The following GUCY1A2 variants were observed in gnomAD, a reference collection of about 807,000 sequenced individuals.
GUCY1A2 encodes the protein guanylate cyclase 1 soluble subunit alpha 2, also known as guanylate cyclase soluble subunit alpha-2.
Under a neutral mutation model 63.5 loss-of-function variants are expected in GUCY1A2, and 27 were observed. The ratio of observed to expected loss-of-function variants is 0.43; its 90% CI spans 0.31 to 0.59. The LOEUF (loss-of-function observed/expected upper bound fraction) is 0.59, where lower values mean the gene tolerates loss of function less well. Among genes scored for constraint, GUCY1A2 ranks in the 20% least tolerant of loss-of-function variants. The probability of loss-of-function intolerance (pLI) is 0.11; values close to 1 mark genes in which losing one functional copy is unlikely to be tolerated. For missense variants in GUCY1A2, 768 were observed against 913.3 expected (o/e 0.84, Z 2.05); for synonymous variants, 364 against 343.5 (o/e 1.06, Z -0.66).
At chr11:106,855,757 T>C (rs1336946512) in intron 4 of GUCY1A2, among the ~76,000 whole-genome samples, 1 of 152,160 alleles carries the variant, frequency 6.6e-6, no homozygotes, top group Non-Finnish European at 1.5e-5. Context: ...CTGGCCTACA[T>C]GTCTATATTT....
Position 106,997,249 on chromosome 11 carries a change from T to TA in GUCY1A2, c.304-11119dup, listed in dbSNP as rs577353765. On this transcript the variant is annotated intron_variant, in intron 1 of 7. Transcript: ENST00000526355. Reference sequence around the variant, plus strand: ...CTTATGCATGTAACTATTTATCTGATAATCAAGACTTCCTTCATATTCAGA... The same window carrying TA: ...CTTATGCATGTAACTATTTATCTGATAAATCAAGACTTCCTTCATATTCAGA... Among the ~76,000 whole-genome samples the TA allele has an allele frequency of 2.0e-3, 309 of 152,304 alleles. 1 individual carries two copies. Among genetic ancestry groups the TA allele is most frequent in the South Asian group, 8.3e-3 (40 of 4,824 alleles).
At position 106,684,191 on chromosome 11, in the gene GUCY1A2, C is replaced by T. The variant is rs1272573158; in HGVS notation, c.*3358G>A. On this transcript the variant is annotated 3_prime_UTR_variant, in exon 8 of 8. Coordinates refer to ENST00000526355, the MANE Select transcript of GUCY1A2 (RefSeq NM_000855.3). The stretch of plus-strand genomic sequence containing the variant: ...AGAAACAACATTTGAAGTGCTGAAC[C>T]TACAGACCCACTCTCAAGTCTCAGG... 1 of 184,552 alleles carries T rather than the reference C, an allele frequency of 5.4e-6. No homozygotes were observed. Among genetic ancestry groups the T allele is most frequent in the Non-Finnish European group, 1.1e-5 (1 of 87,048 alleles). The allele number at this position is 184,552 out of a possible 1,614,324, so 11.4% of individuals were successfully genotyped here.
intron 1 of GUCY1A2, among the ~76,000 whole-genome samples, chr11:107,010,878 C>T (rs1391953823): frequency 1.3e-5 from 2 of 151,964 alleles, no homozygotes; most frequent in Non-Finnish European, 2.9e-5. Flanking sequence ...TACAGGCGCC[C>T]ACCACCACGC....
chr11:106,709,280 AATTTATATATATTTATATTTTTAT>A (rs1446691492), intron 6 of GUCY1A2, among the ~76,000 whole-genome samples: 2 of 58,678 alleles, frequency 3.4e-5, no homozygotes, highest in South Asian at 4.9e-4. Context: ...TATATATATA[AATTTATATATATTTATATTTTTAT>A]ATTTATATAT....
intron 4 of GUCY1A2, among the ~76,000 whole-genome samples, chr11:106,900,099 A>C (rs981417358): frequency 2.0e-5 from 3 of 152,108 alleles, no homozygotes. Context: ...AAAAAAAAAA[A>C]AAAACAATCT....
chr11:106,755,073 C>T (rs768169421), intron 6 of GUCY1A2, among the ~76,000 whole-genome samples: 5 of 152,038 alleles, frequency 3.3e-5, no homozygotes, highest in Non-Finnish European at 7.4e-5. Flanking sequence ...CTGGTTTAGT[C>T]TTGGGAGAGT....
chr11:106,749,546 T>C (rs1863849146), intron 6 of GUCY1A2, among the ~76,000 whole-genome samples: 2 of 152,084 alleles, frequency 1.3e-5, no homozygotes, highest in Admixed American at 1.3e-4. Flanking sequence ...TGAGGTAAGT[T>C]AATGCAGCCT....
intron 5 of GUCY1A2, among the ~76,000 whole-genome samples, chr11:106,785,757 A>T (rs561988071): frequency 6.6e-6 from 1 of 152,268 alleles, no homozygotes; most frequent in African/African-American, 2.4e-5. Flanking sequence ...CAAAATATGG[A>T]TATAAGGGCC....
At chr11:106,699,113 C>G (rs891801538) in intron 7 of GUCY1A2, among the ~76,000 whole-genome samples, 3 of 152,136 alleles carry the variant, frequency 2.0e-5, no homozygotes, top group Non-Finnish European at 4.4e-5. Flanking sequence ...ATTGTTTCCA[C>G]AGCCAAACAT....
chr11:106,788,099 T>C (rs1444643792), intron 5 of GUCY1A2, among the ~76,000 whole-genome samples: 1 of 152,220 alleles, frequency 6.6e-6, no homozygotes, highest in Admixed American at 6.5e-5. Context: ...TGAGATGCTA[T>C]TGTATTGTAC....
chr11:106,891,337 C>G (rs2135478214), intron 4 of GUCY1A2, among the ~76,000 whole-genome samples: 1 of 152,180 alleles, frequency 6.6e-6, no homozygotes, highest in East Asian at 1.9e-4. Flanking sequence ...TTTATGTACT[C>G]TAGATACAAG....
At chr11:106,733,432 C>G (rs1328941833) in intron 6 of GUCY1A2, among the ~76,000 whole-genome samples, 1 of 152,136 alleles carries the variant, frequency 6.6e-6, no homozygotes, top group African/African-American at 2.4e-5. Flanking sequence ...AAGTTAACTC[C>G]TCAAACACTG....
At chr11:106,828,739 C>T (rs954626069) in intron 4 of GUCY1A2, among the ~76,000 whole-genome samples, 1 of 152,166 alleles carries the variant, frequency 6.6e-6, no homozygotes, top group Non-Finnish European at 1.5e-5. Context: ...CACAGCCCAC[C>T]ATAGACGGCT....
chr11:106,719,878 T>C (rs1863283593), intron 6 of GUCY1A2, among the ~76,000 whole-genome samples: 1 of 152,234 alleles, frequency 6.6e-6, no homozygotes. Flanking sequence ...TAATCAATAC[T>C]GCAGGATCCA....
intron 5 of GUCY1A2, among the ~76,000 whole-genome samples, chr11:106,781,619 G>A (rs1049658799): frequency 5.3e-5 from 8 of 151,926 alleles, no homozygotes; most frequent in South Asian, 2.1e-4. Flanking sequence ...ACTGGAGTAC[G>A]GTGGCATGAT....
chr11:106,836,526 T>C (rs1357150648), intron 4 of GUCY1A2, among the ~76,000 whole-genome samples: 2 of 152,018 alleles, frequency 1.3e-5, no homozygotes, highest in South Asian at 2.1e-4. Context: ...TGTAATGTCA[T>C]GACTTTTCTC....
chr11:106,999,005 C>T (rs1013858355), intron 1 of GUCY1A2, among the ~76,000 whole-genome samples: 4 of 152,234 alleles, frequency 2.6e-5, no homozygotes, highest in Non-Finnish European at 4.4e-5. Flanking sequence ...GTCATCACTA[C>T]GTGGCAGAGT....
intron 4 of GUCY1A2, among the ~76,000 whole-genome samples, chr11:106,825,967 C>A (rs1345176028): frequency 6.6e-6 from 1 of 152,000 alleles, no homozygotes; most frequent in East Asian, 1.9e-4. Context: ...CGAGATATTG[C>A]TACATCTCTA....
chr11:106,836,519 A>G (rs1446174733), intron 4 of GUCY1A2, among the ~76,000 whole-genome samples: 6 of 151,976 alleles, frequency 3.9e-5, no homozygotes, highest in Non-Finnish European at 8.8e-5. Flanking sequence ...TTTTTCTTGT[A>G]ATGTCATGAC....
Sources: gnomAD v4.1 joint callset for allele counts (sites outside exome capture counted in the v4.1 genomes callset) on GRCh38, gnomAD v4.1.1 for gene constraint, MANE v1.5 for transcripts, NCBI Gene and HGNC (gene_info 2026-07-23, HGNC 2026-07-21) for gene names.